The following PLEKHA4 variants were observed in gnomAD, a reference collection of about 807,000 sequenced individuals.
PLEKHA4 encodes the protein pleckstrin homology domain containing A4, also known as pleckstrin homology domain-containing family A member 4.
Under a neutral mutation model 94.7 loss-of-function variants are expected in PLEKHA4, and 73 were observed. The ratio of observed to expected loss-of-function variants is 0.77; its 90% CI spans 0.64 to 0.94. The LOEUF (loss-of-function observed/expected upper bound fraction) is 0.94, where lower values mean the gene tolerates loss of function less well. Ranked by LOEUF, PLEKHA4 falls within the 40% of genes least tolerant of loss-of-function variation. The probability of loss-of-function intolerance (pLI) is 0.00; values close to 1 mark genes in which losing one functional copy is unlikely to be tolerated. For missense variants in PLEKHA4, 1,049 were observed against 1,054.1 expected, an observed-to-expected ratio of 1.00 and a Z score of 0.07; for synonymous variants, 449 against 437.1, an observed-to-expected ratio of 1.03 and a Z score of -0.34.
chr19:48,865,968 C>A (rs1269030095), intron 2 of PLEKHA4, among the ~76,000 whole-genome samples: 1 of 150,698 alleles, frequency 6.6e-6, no homozygotes, highest in South Asian at 2.1e-4. Flanking sequence ...GAGCCGAGAT[C>A]GCACCACTGC....
At position 48,848,004 on chromosome 19, in the gene PLEKHA4, C is replaced by T. The variant is rs1188308206; in HGVS notation, c.1462G>A (p.Glu488Lys). The T allele has an allele frequency of 2.5e-6, 4 of 1,613,692 alleles. No homozygotes were observed. The highest frequency in any genetic ancestry group is 3.3e-5 in the Admixed American group (2 of 59,976). Residue 488 changes from glutamate to lysine, a missense_variant, in exon 14 of 20, where the codon GAA (glutamate) becomes AAA (lysine). Physicochemically the swap from Glu to Lys is moderately conservative, Grantham distance 56 (BLOSUM62 1). Transcript: ENST00000263265. ...VSAQQQLWMV[E>K]DTLAGLGGPQ... ...CCACCCAGACCTGCCAGCGTGTCTT[C>T]CACCATCCACAGCTGCTGCTGAGCA...
rs756567324 is a variant in PLEKHA4 at position 48,860,475 on chromosome 19, G to C, written c.367-16C>G. 6.2e-7 allele frequency: 1 copy of C among 1,603,324 alleles called. No individual in the cohort carries two copies. The highest frequency in any genetic ancestry group is 2.2e-5 in the East Asian group (1 of 44,824). On this transcript the variant is annotated splice_polypyrimidine_tract_variant and intron_variant, in intron 5 of 19. Coordinates refer to ENST00000263265, the MANE Select transcript of PLEKHA4 (RefSeq NM_020904.3). ...GGTGCTCTGCCTGCGGGAAGAGAAG[G>C]CTTGGAATCCGGACTCCCGGGCCTT...
chr19:48,860,610 C>A, intron 5 of PLEKHA4, 151 bp from the exon 6 acceptor site: 3 of 613,818 alleles, frequency 4.9e-6, no homozygotes, highest in Non-Finnish European at 8.7e-6. Flanking sequence ...TAATGAGACA[C>A]CCCCCTCCAC....
At chr19:48,866,206 T>G (rs1265533182) in intron 2 of PLEKHA4, among the ~76,000 whole-genome samples, 1 of 150,692 alleles carries the variant, frequency 6.6e-6, no homozygotes, top group Admixed American at 6.6e-5. Flanking sequence ...CAGCCTCCCA[T>G]GTAGCTGGGA....
intron 16 of PLEKHA4, among the ~76,000 whole-genome samples, chr19:48,843,473 G>A (rs889290827): frequency 6.7e-6 from 1 of 149,926 alleles, no homozygotes; most frequent in South Asian, 2.1e-4. Context: ...GCCACCGCAC[G>A]CGGTCTTTTT....
Position 48,845,609 on chromosome 19 carries a change from G to A in PLEKHA4, c.1574C>T (p.Pro525Leu). ...AGGGGAGCTCAGTTCCAAGGACTCT[G>A]GCAGGCTCTGCGGGGATTAGAAAAG... ...GEESSERESLPESLELSSPRS... is the reference protein window; with the variant it reads ...GEESSERESLLESLELSSPRS... Residue 525 changes from proline to leucine, a missense_variant, in exon 15 of 20, where the codon CCA becomes CTA. Pro to Leu is a moderately conservative substitution (Grantham distance 98, BLOSUM62 -3). Transcript: ENST00000263265. 1.3e-6 allele frequency: 2 copies of A among 1,586,284 alleles called. No homozygotes were observed. The highest frequency in any genetic ancestry group is 8.6e-7 in the Non-Finnish European group (1 of 1,166,812).
chr19:48,853,478 G>A (rs1341560676), intron 12 of PLEKHA4, among the ~76,000 whole-genome samples: 3 of 148,990 alleles, frequency 2.0e-5, no homozygotes, highest in Non-Finnish European at 3.0e-5. Context: ...CAGCCTGGGC[G>A]ACAGAGCAAG....
At chr19:48,842,143 C>G (rs367820534) in intron 16 of PLEKHA4, among the ~76,000 whole-genome samples, 1 of 121,444 alleles carries the variant, frequency 8.2e-6, no homozygotes, top group Non-Finnish European at 1.7e-5. Context: ...AATTTATTTT[C>G]TTTTTTTTTT....
At chr19:48,860,304 T>C in intron 6 of PLEKHA4, 46 bp downstream of exon 6, 2 of 1,517,968 alleles carry the variant, frequency 1.3e-6, no homozygotes, top group Non-Finnish European at 1.8e-6. Flanking sequence ...ATGACGAGAC[T>C]GACTCAGGGT....
rs2123217040 is a variant in PLEKHA4, at chr19:48,868,383, C to T, written c.-307G>A. 1 of 152,050 alleles carries T rather than the reference C, an allele frequency of 6.6e-6. No homozygotes were observed. Among genetic ancestry groups the T allele is most frequent in the East Asian group, 1.9e-4 (1 of 5,170 alleles). The allele number at this position is 152,050 out of a possible 1,614,324, so 9.4% of individuals were successfully genotyped here. A position where few individuals can be genotyped will look rare whatever the true frequency, so the allele number is the denominator to read the frequency against. The stretch of plus-strand genomic sequence containing the variant: ...CCCTCTCTCTCTCTCTCCAATCTTT[C>T]TGTTTCTGTCCAAATCTTTTATTGT... On this transcript the variant is annotated 5_prime_UTR_variant, in exon 1 of 20. Coordinates refer to ENST00000263265, the MANE Select transcript of PLEKHA4 (RefSeq NM_020904.3).
intron 3 of PLEKHA4, among the ~76,000 whole-genome samples, chr19:48,863,689 T>C (rs837615): frequency 1 from 151,755 of 151,776 alleles, 75,867 homozygotes; most frequent in Middle Eastern, 1. Context: ...CCGCCCACCT[T>C]GGCCTCCCAA....
chr19:48,841,124 C>G (rs750255278), intron 17 of PLEKHA4, 25 bp downstream of exon 17: 41 of 1,597,252 alleles, frequency 2.6e-5, no homozygotes, highest in Non-Finnish European at 3.3e-5. Context: ...ACCCCACCGC[C>G]CAGCCCCAGC....
At chr19:48,865,133 C>T (rs1398105560) in intron 3 of PLEKHA4, among the ~76,000 whole-genome samples, 1 of 151,946 alleles carries the variant, frequency 6.6e-6, no homozygotes, top group Non-Finnish European at 1.5e-5. Flanking sequence ...CACTTGAGGT[C>T]GGGAGTTTCA....
Position 48,861,404 on chromosome 19 carries a change from G to A in PLEKHA4, c.363C>T (p.Phe121=). ...PGAPRGRRFT[F]TAEHPGMRTY... Reference sequence around the variant, plus strand: ...CAACATGGATGGATGGACTCACGGTGAAGGTGAAGCGCCGCCCTCGGGGGG... The same window carrying A: ...CAACATGGATGGATGGACTCACGGTAAAGGTGAAGCGCCGCCCTCGGGGGG... The change falls in exon 5 of 20, where the codon TTC becomes TTT. Residue 121 remains phenylalanine, a synonymous_variant. Transcript: ENST00000263265. 1 of 1,612,860 alleles carries A rather than the reference G, an allele frequency of 6.2e-7. No individual in the cohort carries two copies. Among genetic ancestry groups the A allele is most frequent in the South Asian group, 1.1e-5 (1 of 91,044 alleles).
intron 13 of PLEKHA4, among the ~76,000 whole-genome samples, chr19:48,851,955 T>G (rs35627821): frequency 0.15 from 21,988 of 151,558 alleles, 2,009 homozygotes; most frequent in African/African-American, 0.26. Context: ...AACAAACAAA[T>G]AAACAACTTT....
At chr19:48,858,751 G>A in intron 8 of PLEKHA4, 109 bp downstream of exon 8, 1 of 1,246,584 alleles carries the variant, frequency 8.0e-7, no homozygotes, top group Non-Finnish European at 1.2e-6. Context: ...AGATCATTAT[G>A]GACTACAATA....
At chr19:48,861,558 G>A in intron 4 of PLEKHA4, 57 bp from the exon 5 acceptor site, 2 of 1,612,446 alleles carry the variant, frequency 1.2e-6, no homozygotes, top group South Asian at 1.1e-5. Context: ...CAAGATGCTA[G>A]AGAGAAGGGC....
chr19:48,838,952 G>A (rs1039059918), intron 18 of PLEKHA4, among the ~76,000 whole-genome samples: 13 of 151,848 alleles, frequency 8.6e-5, no homozygotes, highest in African/African-American at 2.7e-4. Context: ...GTCCACTCGC[G>A]CGTCACTATC....
rs1322462505 is a variant in PLEKHA4, at chr19:48,852,275, T to C, written c.1378A>G (p.Thr460Ala). The change falls in exon 13 of 20, where the codon ACC becomes GCC. Residue 460 changes from threonine to alanine, a missense_variant. Coordinates refer to ENST00000263265, the MANE Select transcript of PLEKHA4 (RefSeq NM_020904.3). ...AGGTACTCCAGCGTCTCTCTTAAGG[T>C]GCCCAGCTCCTGCTCCAGGCCACTG... ...TYSGLEQELG[T>A]LRETLEYLLH... 1 of 1,614,104 alleles carries C rather than the reference T, an allele frequency of 6.2e-7. No homozygotes were observed. Among genetic ancestry groups the C allele is most frequent in the East Asian group, 2.2e-5 (1 of 44,862 alleles).
Sources: gnomAD v4.1 joint callset for allele counts (sites outside exome capture counted in the v4.1 genomes callset) on GRCh38, gnomAD v4.1.1 for gene constraint, MANE v1.5 for transcripts, NCBI Gene and HGNC (gene_info 2026-07-23, HGNC 2026-07-21) for gene names.